Variants in EQTN observed in about 807,000 individuals in gnomAD.
EQTN encodes Acrosome formation associated factor.
A neutral mutation model predicts 26.9 loss-of-function variants in EQTN; 29 were observed. The ratio of observed to expected loss-of-function variants is 1.08; its 90% CI spans 0.80 to 1.47. EQTN has a LOEUF of 1.47. Ranked by LOEUF, EQTN falls within the 40% of genes most tolerant of loss-of-function variation. EQTN has a pLI of 0.00. For missense variants in EQTN, 391 were observed against 346.1 expected, an observed-to-expected ratio of 1.13 and a Z score of -1.03; for synonymous variants, 129 against 120.0, an observed-to-expected ratio of 1.07 and a Z score of -0.49.
rs1294938857 is a variant in EQTN at position 27,291,068 on chromosome 9, T to TAAAAC, written c.377-10_377-6dup. On this transcript the variant is annotated splice_polypyrimidine_tract_variant and splice_region_variant and intron_variant, in intron 4 of 7. Transcript: ENST00000380032. Reference sequence around the variant, plus strand: ...CAGGCACGTTTGGGGTTGATCCTGTTAAAACAAAACAAAACACAACAAGAA... The same window carrying TAAAAC: ...CAGGCACGTTTGGGGTTGATCCTGTTAAAACAAAACAAAACAAAACACAACAAGAA... 5 of 1,608,178 alleles carry TAAAAC rather than the reference T, an allele frequency of 3.1e-6. No homozygotes were observed. In the East Asian group the frequency reaches 8.9e-5, roughly 29 times the overall value.
At chr9:27,295,764 G>A (rs1820324137) in intron 2 of EQTN, among the ~76,000 whole-genome samples, 2 of 140,850 alleles carry the variant, frequency 1.4e-5, no homozygotes, top group South Asian at 2.3e-4. Flanking sequence ...CCCGGGAGGC[G>A]GAACTTGGAG....
Position 27,284,721 on chromosome 9 carries a change from C to CT in EQTN, c.*1dup, listed in dbSNP as rs1820079873. 6.2e-7 allele frequency: 1 copy of CT among 1,607,374 alleles called. No homozygotes were observed. The highest frequency in any genetic ancestry group is 8.5e-7 in the Non-Finnish European group (1 of 1,176,770). On this transcript the variant is annotated 3_prime_UTR_variant, in exon 8 of 8. Transcript: ENST00000380032. ...ATTTCTTCACCGGGTTCCTTGATTT[C>CT]TTCACCGGGTAACCGACTCATCGTT... is the stretch of plus-strand genomic sequence containing the variant.
chr9:27,293,277 G>C (rs974980348), intron 3 of EQTN, among the ~76,000 whole-genome samples: 1 of 152,166 alleles, frequency 6.6e-6, no homozygotes, highest in Non-Finnish European at 1.5e-5. Flanking sequence ...AGCAGAACTC[G>C]AAAAGTGAGT....
intron 2 of EQTN, among the ~76,000 whole-genome samples, chr9:27,296,191 T>C (rs1820338971): frequency 6.6e-6 from 1 of 152,142 alleles, no homozygotes; most frequent in Non-Finnish European, 1.5e-5. Context: ...TAGTTCCAGC[T>C]ACTCGGAAGG....
chr9:27,289,540 G>C (rs1029431035), intron 6 of EQTN, 132 bp downstream of exon 6: 5 of 581,608 alleles, frequency 8.6e-6, no homozygotes, highest in Admixed American at 3.5e-5. Flanking sequence ...GTAGAGAAAA[G>C]GTTTTTGTCA....
intron 7 of EQTN, 70 bp from the exon 8 acceptor site, chr9:27,285,042 G>T: frequency 1.5e-6 from 2 of 1,376,058 alleles, no homozygotes; most frequent in Non-Finnish European, 9.7e-7. Context: ...GCTTAGAAAA[G>T]CATTCAAAAA....
At chr9:27,288,746 G>C (rs974174292) in intron 6 of EQTN, among the ~76,000 whole-genome samples, 3 of 152,184 alleles carry the variant, frequency 2.0e-5, no homozygotes, top group Admixed American at 6.5e-5. Context: ...AGTGAAAGAA[G>C]CTAGTCTGAA....
At chr9:27,295,357 A>T (rs17778784) in intron 2 of EQTN, among the ~76,000 whole-genome samples, 5 of 152,122 alleles carry the variant, frequency 3.3e-5, no homozygotes, top group Admixed American at 3.3e-4. Flanking sequence ...AGGGACAGAC[A>T]GTTTAAAAAA....
chr9:27,294,189 T>A, intron 3 of EQTN, 127 bp downstream of exon 3: 1 of 569,988 alleles, frequency 1.8e-6, no homozygotes, highest in East Asian at 3.0e-5. Flanking sequence ...CAGAATCTAC[T>A]TTAGAGGGAA....
chr9:27,294,294 A>G (rs1324858654), intron 3 of EQTN, 22 bp downstream of exon 3: 3 of 1,562,688 alleles, frequency 1.9e-6, no homozygotes, highest in Non-Finnish European at 2.6e-6. Context: ...TTACATGTGC[A>G]ATGGTGCCTT....
At chr9:27,288,286 T>C (rs201034761) in intron 6 of EQTN, among the ~76,000 whole-genome samples, 5,791 of 152,228 alleles carry the variant, frequency 0.038, 159 homozygotes, top group African/African-American at 0.05. Context: ...GAGTTTTACC[T>C]CTATTAGTAT....
chr9:27,288,750 G>T lies in EQTN; in HGVS notation c.481+922C>A, dbSNP rs144966369. Among the ~76,000 whole-genome samples, 5 of 152,298 alleles carry T rather than the reference G, an allele frequency of 3.3e-5. No individual in the cohort carries two copies. In the East Asian group the frequency reaches 9.6e-4, roughly 29 times the overall value. On this transcript the variant is annotated intron_variant, in intron 6 of 7. Transcript: ENST00000380032. ...GCATATTGCTGAGTGAAAGAAGCTAGTCTGAAAAGGTTACATACTGTATGA... is the reference window on the plus strand; with the variant it reads ...GCATATTGCTGAGTGAAAGAAGCTATTCTGAAAAGGTTACATACTGTATGA...
intron 1 of EQTN, 71 bp from the exon 2 acceptor site, chr9:27,296,809 GC>G (rs1427984088): frequency 2.5e-6 from 4 of 1,574,042 alleles, no homozygotes. Context: ...TTTTCTAACT[GC>G]ATTTTTTTCA....
chr9:27,284,825 T>A lies in EQTN; in HGVS notation c.783A>T (p.Arg261Ser), dbSNP rs1393765928. The A allele has an allele frequency of 6.2e-7, 1 of 1,614,034 alleles. No individual in the cohort carries two copies. The highest frequency in any genetic ancestry group is 1.3e-5 in the African/African-American group (1 of 74,924). Residue 261 changes from arginine to serine, a missense_variant, in exon 8 of 8, where the codon AGA becomes AGT. Arg to Ser is a moderately radical substitution (Grantham distance 110, BLOSUM62 -1). Coordinates refer to ENST00000380032, the MANE Select transcript of EQTN (RefSeq NM_020641.3). ...ATTCTGATGTTCTTGTGCCTGATCT[T>A]CTCATATCTGAAGAAGTGGTACCCA... ...TFLGTTSSDMRRSGTRTSESK... is the reference protein window; with the variant it reads ...TFLGTTSSDMSRSGTRTSESK...
chr9:27,296,599 C>T lies in EQTN; in HGVS notation c.202+14G>A. 1.4e-6 allele frequency: 2 copies of T among 1,461,802 alleles called. No homozygotes were observed. Among genetic ancestry groups the T allele is most frequent in the South Asian group, 1.2e-5 (1 of 82,386 alleles). The allele number at this position is 1,461,802 out of a possible 1,614,324, so 90.6% of individuals were successfully genotyped here. A position where few individuals can be genotyped will look rare whatever the true frequency, so the allele number is the denominator to read the frequency against. On this transcript the variant is annotated intron_variant, in intron 2 of 7. Transcript: ENST00000380032. ...ACTTTTGCATATACATTTCTATTCA[C>T]TTTAAAGACTTACATTGTTTTATAT...
intron 6 of EQTN, among the ~76,000 whole-genome samples, chr9:27,287,126 C>T (rs570624404): frequency 2.2e-4 from 34 of 152,210 alleles, no homozygotes; most frequent in African/African-American, 8.2e-4. Context: ...CATGTTATTT[C>T]TCCCCTTTAC....
Position 27,297,033 on chromosome 9 carries a change from A to C in EQTN, c.23T>G (p.Phe8Cys), listed in dbSNP as rs753938423. The C allele has an allele frequency of 1.2e-6, 2 of 1,609,580 alleles. No homozygotes were observed. Among genetic ancestry groups the C allele is most frequent in the South Asian group, 1.1e-5 (1 of 90,834 alleles). The change falls in exon 1 of 8, where the codon TTT becomes TGT. Residue 8 changes from phenylalanine to cysteine, a missense_variant. Coordinates refer to ENST00000380032, the MANE Select transcript of EQTN (RefSeq NM_020641.3). MNFILFI[F>C]IPGVFSLKSS... ...TTTTAAGGAAAAAACTCCAGGTATA[A>C]AAATAAACAATATAAAATTCATTGG... is the stretch of plus-strand genomic sequence containing the variant.
intron 6 of EQTN, among the ~76,000 whole-genome samples, chr9:27,287,492 C>A (rs17695534): frequency 1.5e-4 from 23 of 152,012 alleles, no homozygotes; most frequent in African/African-American, 5.3e-4. Flanking sequence ...GTTTGGAATT[C>A]GTAATCACTG....
Position 27,297,058 on chromosome 9 carries a change from G to T in EQTN, c.-3C>A, listed in dbSNP as rs751572937. The T allele has an allele frequency of 4.4e-6, 7 of 1,595,192 alleles. No individual in the cohort carries two copies. The South Asian group carries it at 7.8e-5, about 18-fold the overall frequency. ...AAAATAAACAATATAAAATTCATTG[G>T]GAAATTGAAGTGATTTATCCAGTAA... On this transcript the variant is annotated 5_prime_UTR_variant, in exon 1 of 8. Coordinates refer to ENST00000380032, the MANE Select transcript of EQTN (RefSeq NM_020641.3).
Sources: gnomAD v4.1 joint callset for allele counts (sites outside exome capture counted in the v4.1 genomes callset) on GRCh38, gnomAD v4.1.1 for gene constraint, MANE v1.5 for transcripts, NCBI Gene and HGNC (gene_info 2026-07-23, HGNC 2026-07-21) for gene names.